Variants in MYT1 observed in about 807,000 individuals in gnomAD.
MYT1 encodes myelin transcription factor I.
In MYT1, 23 loss-of-function variants were observed where a neutral mutation model predicts 123.0. That is an observed-to-expected ratio of 0.19 (90% CI 0.13 to 0.26). MYT1 has a LOEUF of 0.26. Among genes scored for constraint, MYT1 ranks in the 10% least tolerant of loss-of-function variants. MYT1 has a pLI of 1.00. For synonymous variants in MYT1, 518 were observed against 575.3 expected (o/e 0.90, Z 1.43); for missense variants, 1,125 against 1,472.5 (o/e 0.76, Z 3.86).
At chr20:64,205,475 C>G in intron 5 of MYT1, 78 bp from the exon 6 acceptor site, 1 of 1,562,312 alleles carries the variant, frequency 6.4e-7, no homozygotes, top group Non-Finnish European at 8.7e-7. Flanking sequence ...GGAGGACCCT[C>G]GGGAGGGGCT....
chr20:64,198,544 C>T (rs140516346), intron 2 of MYT1, among the ~76,000 whole-genome samples: 13 of 152,274 alleles, frequency 8.5e-5, no homozygotes, highest in South Asian at 4.1e-4. Context: ...GCTTCAGTGG[C>T]GCAGGGCCCA....
At chr20:64,211,154 C>T in intron 7 of MYT1, 52 bp from the exon 8 acceptor site, 2 of 1,580,046 alleles carry the variant, frequency 1.3e-6, no homozygotes, top group Non-Finnish European at 8.6e-7. Flanking sequence ...TGCCCCCTCT[C>T]TGCTCACCAC....
chr20:64,214,114 T>C (rs1052181699), intron 10 of MYT1, among the ~76,000 whole-genome samples: 4 of 152,206 alleles, frequency 2.6e-5, no homozygotes, highest in African/African-American at 9.6e-5. Flanking sequence ...ACCCCAGGGA[T>C]AGACCCCAAG....
intron 19 of MYT1, among the ~76,000 whole-genome samples, chr20:64,234,775 C>CCCGGGGCTGGCCGTGGTATGTGAT (rs1984450960): frequency 7.5e-6 from 1 of 132,560 alleles, no homozygotes; most frequent in Non-Finnish European, 1.6e-5. Flanking sequence ...TGGTATGTGA[C>CCCGGGGCTGGCCGTGGTATGTGAT]CCTGGGATGG....
rs2145685224 is a variant in MYT1, at chr20:64,167,096, G to T, written c.-99+2357G>T. On this transcript the variant is annotated intron_variant, in intron 1 of 22. Coordinates refer to ENST00000328439, the MANE Select transcript of MYT1 (RefSeq NM_004535.3). This position sits in a 1 kb window ranked among gnomAD's most constrained non-coding sequence, Gnocchi z 6.3. ...ACACCACTCTGCACTGGGGAGACAGGGGTCAGAGCCTGACTAACTGTCTTC... is the reference window on the plus strand; with the variant it reads ...ACACCACTCTGCACTGGGGAGACAGTGGTCAGAGCCTGACTAACTGTCTTC... Among the ~76,000 whole-genome samples, 1 of 152,286 alleles carries T rather than the reference G, an allele frequency of 6.6e-6. No homozygotes were observed. The highest frequency in any genetic ancestry group is 1.5e-5 in the Non-Finnish European group (1 of 68,024).
At chr20:64,170,594 A>G (rs1027153132) in intron 1 of MYT1, among the ~76,000 whole-genome samples, 113 of 152,036 alleles carry the variant, frequency 7.4e-4, no homozygotes, top group African/African-American at 2.5e-3. Flanking sequence ...ATTTGAGATC[A>G]AGTCCGCCTA....
At chr20:64,188,267 G>A (rs1003733455) in intron 1 of MYT1, among the ~76,000 whole-genome samples, 1 of 152,204 alleles carries the variant, frequency 6.6e-6, no homozygotes, top group Non-Finnish European at 1.5e-5. Context: ...GAACTCAGGG[G>A]AGTCGCACTC....
At chr20:64,238,635 C>A (rs1984623271) in intron 21 of MYT1, among the ~76,000 whole-genome samples, 1 of 152,358 alleles carries the variant, frequency 6.6e-6, no homozygotes. Context: ...CCGGCGGAGC[C>A]ATCCCCGTCC....
rs1040970915 is a variant in MYT1, at chr20:64,190,203, A to G, written c.-1+43A>G. The G allele has an allele frequency of 6.6e-6, 1 of 152,662 alleles. No individual in the cohort carries two copies. The highest frequency in any genetic ancestry group is 1.5e-5 in the Non-Finnish European group (1 of 68,090). The allele number at this position is 152,662 out of a possible 1,614,324, so 9.5% of individuals were successfully genotyped here. On this transcript the variant is annotated intron_variant, in intron 2 of 22. Coordinates refer to ENST00000328439, the MANE Select transcript of MYT1 (RefSeq NM_004535.3). The surrounding 1 kb of genome is among the most constrained non-coding windows in gnomAD (Gnocchi z 4.1). Reference sequence around the variant, plus strand: ...AGCCCCTGTCGTAGGGCCCCACCCCATGGCTGCCTGCACAAAGCCTCTCTT... The same window carrying G: ...AGCCCCTGTCGTAGGGCCCCACCCCGTGGCTGCCTGCACAAAGCCTCTCTT...
At chr20:64,222,842 C>T (rs926151574) in intron 14 of MYT1, among the ~76,000 whole-genome samples, 4 of 152,238 alleles carry the variant, frequency 2.6e-5, no homozygotes, top group African/African-American at 4.8e-5. Context: ...GGCACATACA[C>T]GTGCACACAC....
rs768256568 is a variant in MYT1, at chr20:64,198,896, C to T, written c.35C>T (p.Thr12Ile). Residue 12 changes from threonine to isoleucine, a missense_variant, in exon 3 of 23, where the codon ACC becomes ATC. Transcript: ENST00000328439. The part of the protein sequence containing the change: ...SLENEDKRAR[T>I]RSKALRGPPE... Reference sequence around the variant, plus strand: ...GAAAATGAAGACAAGCGAGCTCGCACCCGATCCAAGGCCCTGCGAGGTGAG... The same window carrying T: ...GAAAATGAAGACAAGCGAGCTCGCATCCGATCCAAGGCCCTGCGAGGTGAG... 1.2e-6 allele frequency: 2 copies of T among 1,614,168 alleles called. No individual in the cohort carries two copies. The highest frequency in any genetic ancestry group is 2.2e-5 in the East Asian group (1 of 44,868).
At chr20:64,226,688 G>T (rs1449206505) in intron 16 of MYT1, among the ~76,000 whole-genome samples, 1 of 152,190 alleles carries the variant, frequency 6.6e-6, no homozygotes, top group Non-Finnish European at 1.5e-5. Flanking sequence ...AATAACATCC[G>T]TGCTTGTAAT....
chr20:64,195,553 A>C (rs1983095065), intron 2 of MYT1, among the ~76,000 whole-genome samples: 1 of 151,620 alleles, frequency 6.6e-6, no homozygotes, highest in East Asian at 1.9e-4. Context: ...GCACCACCAC[A>C]CCCAACTAAT....
chr20:64,228,666 C>T (rs1984239074), intron 18 of MYT1, among the ~76,000 whole-genome samples: 1 of 152,196 alleles, frequency 6.6e-6, no homozygotes, highest in African/African-American at 2.4e-5. Context: ...CAAGCTTATT[C>T]TCCCAATAGG....
At position 64,232,337 on chromosome 20, in the gene MYT1, G is replaced by T; in HGVS notation, c.2849G>T (p.Gly950Val). The stretch of plus-strand genomic sequence containing the variant: ...GAAGGACCGACCTGCCCCACCCCGG[G>T]CTGTGACGGCTCTGGCCACGCCAAT... ...KNEGPTCPTP[G>V]CDGSGHANGS... Residue 950 changes from glycine (G) to valine (V), a missense_variant, in exon 19 of 23, where the codon GGC (glycine) becomes GTC (valine). Gly to Val is a moderately radical substitution (Grantham distance 109, BLOSUM62 -3). This residue lies in a region of MYT1 where 243 missense variants were observed against 323.1 expected (regional missense o/e 0.75). Coordinates refer to ENST00000328439, the MANE Select transcript of MYT1 (RefSeq NM_004535.3). The surrounding 1 kb of genome is among the most constrained non-coding windows in gnomAD (Gnocchi z 6.9). 1 of 1,613,022 alleles carries T rather than the reference G, an allele frequency of 6.2e-7. No homozygotes were observed.
At chr20:64,172,653 G>A (rs923727440) in intron 1 of MYT1, among the ~76,000 whole-genome samples, 4 of 152,010 alleles carry the variant, frequency 2.6e-5, no homozygotes, top group African/African-American at 9.7e-5. Flanking sequence ...TCTTGATCCC[G>A]CGAAGCCGAC....
At chr20:64,170,874 TATATATATATAGAG>T (rs1332710733) in intron 1 of MYT1, among the ~76,000 whole-genome samples, 9 of 62,548 alleles carry the variant, frequency 1.4e-4, no homozygotes, top group African/African-American at 3.5e-4. Context: ...TATATATATA[TATATATATATAGAG>T]AGAGAGAGAG....
rs145903973 is a variant in MYT1, at chr20:64,219,995, G to A, written c.2241+13G>A. 1.8e-4 allele frequency: 255 copies of A among 1,454,932 alleles called. 1 individual carries two copies. In the African/African-American group the frequency reaches 3.0e-3, roughly 17 times the overall value. 90.1% of individuals were successfully genotyped at this position (1,454,932 alleles called of 1,614,324 possible). The stretch of plus-strand genomic sequence containing the variant: ...GGAACCTGAGGAGGTGGGTGCAGGC[G>A]CCTGGGCAAGCAGTCAGGCGGCTGC... On this transcript the variant is annotated intron_variant, in intron 13 of 22. Coordinates refer to ENST00000328439, the MANE Select transcript of MYT1 (RefSeq NM_004535.3).
Position 64,191,659 on chromosome 20 carries a change from C to T in MYT1, c.-1+1499C>T, listed in dbSNP as rs1343886005. The T allele has an allele frequency of 6.6e-6, 1 of 152,122 alleles. No individual in the cohort carries two copies. Among genetic ancestry groups the T allele is most frequent in the Non-Finnish European group, 1.5e-5 (1 of 68,020 alleles). The allele number at this position is 152,122 out of a possible 1,614,324, so 9.4% of individuals were successfully genotyped here. The stretch of plus-strand genomic sequence containing the variant: ...TTTTGAATCTGGTGGCGAGAATGTA[C>T]ATTTTAATGGGTCTGTTATAGACAA... On this transcript the variant is annotated intron_variant, in intron 2 of 22. Coordinates refer to ENST00000328439, the MANE Select transcript of MYT1 (RefSeq NM_004535.3). This position sits in a 1 kb window ranked among gnomAD's most constrained non-coding sequence, Gnocchi z 4.1.
Sources: gnomAD v4.1 joint callset for allele counts (sites outside exome capture counted in the v4.1 genomes callset) on GRCh38, gnomAD v4.1.1 for gene constraint, gnomAD v4.1.1 regional missense constraint, Gnocchi (gnomAD v3.1) non-coding constraint, MANE v1.5 for transcripts, NCBI Gene and HGNC (gene_info 2026-07-23, HGNC 2026-07-21) for gene names.